HSDL1: variants seen among roughly 807,000 people sequenced by gnomAD.
The protein encoded by HSDL1 is inactive hydroxysteroid dehydrogenase-like protein 1.
A neutral mutation model predicts 31.5 loss-of-function variants in HSDL1; 29 were observed. The ratio of observed to expected loss-of-function variants is 0.92; its 90% CI spans 0.69 to 1.26. The LOEUF (loss-of-function observed/expected upper bound fraction) is 1.26. Ranked by LOEUF, HSDL1 falls within the 50% of genes most tolerant of loss-of-function variation. The probability of loss-of-function intolerance (pLI) is 0.00; values close to 1 mark genes in which losing one functional copy is unlikely to be tolerated. For missense variants in HSDL1, 503 were observed against 416.6 expected, an observed-to-expected ratio of 1.21 and a Z score of -1.81; for synonymous variants, 222 against 155.2, an observed-to-expected ratio of 1.43 and a Z score of -3.20.
In HSDL1 at chr16:84,144,091, T is replaced by A. The variant is rs1426895872; in HGVS notation, c.-69+989A>T. Among the ~76,000 whole-genome samples the A allele has an allele frequency of 5.9e-5, 8 of 136,228 alleles. No individual in the cohort carries two copies. The Admixed American group carries it at 6.3e-4, about 11-fold the overall frequency. The allele number at this position is 136,228 out of a possible 152,430, so 89.4% of individuals were successfully genotyped here. A position where few individuals can be genotyped will look rare whatever the true frequency, so the allele number is the denominator to read the frequency against. On this transcript the variant is annotated intron_variant, in intron 1 of 5. Transcript: ENST00000219439. ...CTCCCTCCCTCTCTCTCTCTCTCTC[T>A]CTCCTGTGGCGGTCAGAGTAAAATT...
intron 1 of HSDL1, among the ~76,000 whole-genome samples, chr16:84,138,394 T>TAC (rs1245797046): frequency 1.3e-5 from 2 of 152,194 alleles, no homozygotes; most frequent in Non-Finnish European, 2.9e-5. Context: ...AGAGCTAATG[T>TAC]ACAGTACAGT....
intron 5 of HSDL1, among the ~76,000 whole-genome samples, chr16:84,127,351 G>C (rs1404358461): frequency 1.3e-5 from 2 of 151,436 alleles, no homozygotes; most frequent in Non-Finnish European, 2.9e-5. Flanking sequence ...AGGTAGCTGG[G>C]ACTACAGGCG....
At position 84,143,990 on chromosome 16, in the gene HSDL1, C is replaced by A. The variant is rs2086802741; in HGVS notation, c.-69+1090G>T. Among the ~76,000 whole-genome samples, 4 of 152,014 alleles carry A rather than the reference C, an allele frequency of 2.6e-5. 1 individual carries two copies. In the South Asian group the frequency reaches 8.3e-4, roughly 32 times the overall value. Reference sequence around the variant, plus strand: ...GATCGCAGGCACCATTGCACTACAGCCCGGGCGACAGAGCGAGATTGTCTG... The same window carrying A: ...GATCGCAGGCACCATTGCACTACAGACCGGGCGACAGAGCGAGATTGTCTG... On this transcript the variant is annotated intron_variant, in intron 1 of 5. Transcript: ENST00000219439.
chr16:84,137,652 G>C (rs1412733634), intron 1 of HSDL1, among the ~76,000 whole-genome samples: 2 of 152,216 alleles, frequency 1.3e-5, no homozygotes, highest in Middle Eastern at 3.2e-3. Flanking sequence ...ATGGGCCAAA[G>C]ATGTTAGAGA....
chr16:84,130,570 A>T, intron 3 of HSDL1, 139 bp from the exon 4 acceptor site: 1 of 673,446 alleles, frequency 1.5e-6, no homozygotes, highest in Non-Finnish European at 2.5e-6. Flanking sequence ...CTACAAGTCA[A>T]GGACACTGTT....
At chr16:84,126,478 G>A (rs1449533247) in intron 5 of HSDL1, among the ~76,000 whole-genome samples, 1 of 152,116 alleles carries the variant, frequency 6.6e-6, no homozygotes, top group Non-Finnish European at 1.5e-5. Context: ...CAATACACAG[G>A]ACGCTCCCCA....
In HSDL1 at chr16:84,129,712, G is replaced by C. The variant is rs1465897292; in HGVS notation, c.730C>G (p.Gln244Glu). 1 of 1,614,076 alleles carries C rather than the reference G, an allele frequency of 6.2e-7. No homozygotes were observed. The highest frequency in any genetic ancestry group is 8.5e-7 in the Non-Finnish European group (1 of 1,180,020). Reference protein sequence around the residue: ...YEYASKGIFVQSLIPFYVATS... With the variant: ...YEYASKGIFVESLIPFYVATS... ...GCTACATAGAAAGGGATTAGACTCT[G>C]TACAAAGATTCCTTTAGAGGCATAT... The change falls in exon 5 of 6, where the codon CAG (glutamine) becomes GAG (glutamate). Residue 244 changes from glutamine (Q) to glutamate (E), a missense_variant. Coordinates refer to ENST00000219439, the MANE Select transcript of HSDL1 (RefSeq NM_031463.5).
At chr16:84,129,915 A>T in intron 4 of HSDL1, 71 bp downstream of exon 4, 1 of 1,513,944 alleles carries the variant, frequency 6.6e-7, no homozygotes, top group African/African-American at 1.4e-5. Context: ...AGTTCAACAA[A>T]TCAGACCAAA....
At chr16:84,131,591 T>C (rs1416280961) in intron 2 of HSDL1, among the ~76,000 whole-genome samples, 1 of 152,034 alleles carries the variant, frequency 6.6e-6, no homozygotes, top group Non-Finnish European at 1.5e-5. Flanking sequence ...TTTGGCTCAC[T>C]GCAACCTCCA....
intron 5 of HSDL1, among the ~76,000 whole-genome samples, chr16:84,127,334 G>A (rs997660445): frequency 7.5e-5 from 11 of 147,420 alleles, no homozygotes; most frequent in African/African-American, 2.5e-4. Context: ...TCATGCCTCA[G>A]ACTCCCAGGT....
intron 1 of HSDL1, among the ~76,000 whole-genome samples, chr16:84,140,466 T>C (rs2086755992): frequency 1.3e-5 from 2 of 152,212 alleles, no homozygotes; most frequent in African/African-American, 4.8e-5. Context: ...GGTTTCATCA[T>C]GGTGGTCAGG....
At chr16:84,135,982 C>T (rs1464830474) in intron 1 of HSDL1, among the ~76,000 whole-genome samples, 5 of 152,374 alleles carry the variant, frequency 3.3e-5, no homozygotes, top group South Asian at 4.1e-4. Context: ...AGAGCAGCCA[C>T]AGCTGTCCTC....
rs753760856 is a variant in HSDL1, at chr16:84,130,416, A to G, written c.236T>C (p.Ile79Thr). 1.9e-6 allele frequency: 3 copies of G among 1,609,408 alleles called. No homozygotes were observed. The highest frequency in any genetic ancestry group is 2.5e-6 in the Non-Finnish European group (3 of 1,177,998). ...WAVVSGATDG[I>T]GKAYAEELAS... ...TAACTCTTCAGCGTAGGCTTTTCCA[A>G]TCCCATCTGTTGCACCTAGGATGCA... The change falls in exon 4 of 6, where the codon ATT becomes ACT. Residue 79 changes from isoleucine (I) to threonine (T), a missense_variant. Transcript: ENST00000219439.
rs139753164 is a variant in HSDL1 at position 84,133,665 on chromosome 16, G to A, written c.-7+1879C>T. 9.5e-3 allele frequency among the ~76,000 whole-genome samples: 1,447 copies of A among 152,298 alleles called. 24 individuals are homozygous for A. Among genetic ancestry groups the A allele is most frequent in the African/African-American group, 0.033 (1,374 of 41,562 alleles). The stretch of plus-strand genomic sequence containing the variant: ...AACTGCTTGAACCCGGGAGGAGGAA[G>A]TTACAGTGAGCCGAGATCATGCCAC... On this transcript the variant is annotated intron_variant, in intron 2 of 5. Transcript: ENST00000219439.
At chr16:84,140,900 G>A (rs1267757948) in intron 1 of HSDL1, among the ~76,000 whole-genome samples, 1 of 151,954 alleles carries the variant, frequency 6.6e-6, no homozygotes, top group African/African-American at 2.4e-5. Flanking sequence ...TCAGGAGATC[G>A]AGACCACGGT....
At position 84,124,386 on chromosome 16, in the gene HSDL1, A is replaced by G. The variant is rs536601814; in HGVS notation, c.*244T>C. On this transcript the variant is annotated 3_prime_UTR_variant, in exon 6 of 6. Coordinates refer to ENST00000219439, the MANE Select transcript of HSDL1 (RefSeq NM_031463.5). Reference sequence around the variant, plus strand: ...AGCGTAACTTTCAAACAGCTTAGGGAAAAAGCACTGAAATGTAGATGTCGT... The same window carrying G: ...AGCGTAACTTTCAAACAGCTTAGGGGAAAAGCACTGAAATGTAGATGTCGT... 25 of 354,068 alleles carry G rather than the reference A, an allele frequency of 7.1e-5. No homozygotes were observed. Among genetic ancestry groups the G allele is most frequent in the African/African-American group, 5.0e-4 (24 of 48,342 alleles). 21.9% of individuals were successfully genotyped at this position (354,068 alleles called of 1,614,324 possible). A position where few individuals can be genotyped will look rare whatever the true frequency, so the allele number is the denominator to read the frequency against.
intron 2 of HSDL1, among the ~76,000 whole-genome samples, chr16:84,131,774 G>C (rs1485071625): frequency 6.6e-6 from 1 of 152,020 alleles, no homozygotes; most frequent in Non-Finnish European, 1.5e-5. Context: ...CGCCCCCTGG[G>C]GTTCACGCCA....
chr16:84,124,602 G>A lies in HSDL1; in HGVS notation c.*28C>T. On this transcript the variant is annotated 3_prime_UTR_variant, in exon 6 of 6. Transcript: ENST00000219439. ...AGAATATCGAGGTTCCCAGGAGTTG[G>A]CAAAACTTCTCAAGTGGCCATCCAG... 6.8e-7 allele frequency: 1 copy of A among 1,466,222 alleles called. No individual in the cohort carries two copies. The highest frequency in any genetic ancestry group is 9.6e-7 in the Non-Finnish European group (1 of 1,045,816). The allele number at this position is 1,466,222 out of a possible 1,614,324, so 90.8% of individuals were successfully genotyped here.
chr16:84,144,262 C>G (rs1214284202), intron 1 of HSDL1: 5 of 152,308 alleles, frequency 3.3e-5, no homozygotes, highest in African/African-American at 1.2e-4. Flanking sequence ...GTCGCACACC[C>G]AAGACCCCAC....
Sources: gnomAD v4.1 joint callset for allele counts (sites outside exome capture counted in the v4.1 genomes callset) on GRCh38, gnomAD v4.1.1 for gene constraint, MANE v1.5 for transcripts, NCBI Gene and HGNC (gene_info 2026-07-23, HGNC 2026-07-21) for gene names.